The following RUSC2 variants were observed in gnomAD, a reference collection of about 807,000 sequenced individuals.
RUSC2 encodes RUN and SH3 domain containing 2.
In RUSC2, 34 loss-of-function variants were observed where a neutral mutation model predicts 122.2. The ratio of observed to expected loss-of-function variants is 0.28; its 90% CI spans 0.21 to 0.37. RUSC2 has a LOEUF of 0.37. Ranked by LOEUF, RUSC2 falls within the 10% of genes least tolerant of loss-of-function variation. The pLI, the probability that RUSC2 is intolerant of heterozygous loss-of-function variation, is 1.00. For missense variants in RUSC2, 1,747 were observed against 1,952.4 expected, an observed-to-expected ratio of 0.89 and a Z score of 1.98; for synonymous variants, 784 against 790.0, an observed-to-expected ratio of 0.99 and a Z score of 0.13.
chr9:35,506,743 C>T (rs1013907885), intron 1 of RUSC2, among the ~76,000 whole-genome samples: 2 of 152,056 alleles, frequency 1.3e-5, no homozygotes, highest in East Asian at 3.9e-4. Context: ...AGATAAAGCT[C>T]ATACAAAAAA....
intron 1 of RUSC2, among the ~76,000 whole-genome samples, chr9:35,501,733 A>G (rs1820820771): frequency 6.6e-6 from 1 of 152,204 alleles, no homozygotes; most frequent in East Asian, 1.9e-4. Context: ...TGTAACCAAA[A>G]TATGTGCTGC....
chr9:35,536,808 CAAAAAAAAAA>C (rs67604535), intron 1 of RUSC2, among the ~76,000 whole-genome samples: 148 of 69,624 alleles, frequency 2.1e-3, no homozygotes, highest in Non-Finnish European at 3.0e-3. Flanking sequence ...GAGTGAAACT[CAAAAAAAAAA>C]AAAAAAAAAA....
intron 1 of RUSC2, among the ~76,000 whole-genome samples, chr9:35,532,056 C>T (rs10972503): frequency 0.61 from 93,160 of 151,970 alleles, 30,211 homozygotes; most frequent in Non-Finnish European, 0.72. Flanking sequence ...TAAGTCAATG[C>T]CCGAAACATT....
intron 1 of RUSC2, among the ~76,000 whole-genome samples, chr9:35,499,186 C>T (rs912433021): frequency 2.0e-5 from 3 of 152,044 alleles, no homozygotes; most frequent in Non-Finnish European, 4.4e-5. Flanking sequence ...ACTTGGGAGG[C>T]TGAGGCACAG....
At chr9:35,517,599 T>C (rs1821132397) in intron 1 of RUSC2, among the ~76,000 whole-genome samples, 1 of 152,228 alleles carries the variant, frequency 6.6e-6, no homozygotes, top group Non-Finnish European at 1.5e-5. Context: ...TTCCTTATTA[T>C]AAGTTAGTGG....
chr9:35,538,265 A>G (rs1821570129), intron 1 of RUSC2, among the ~76,000 whole-genome samples: 1 of 152,208 alleles, frequency 6.6e-6, no homozygotes, highest in Admixed American at 6.5e-5. Flanking sequence ...CGTGTTAGGA[A>G]GAGGGCCTGC....
At chr9:35,526,073 A>G (rs13298415) in intron 1 of RUSC2, among the ~76,000 whole-genome samples, 30,844 of 152,068 alleles carry the variant, frequency 0.2, 3,277 homozygotes, top group Admixed American at 0.3. Context: ...ACTTTCATGT[A>G]CTGTTTTGAA....
rs1822176904 is a variant in RUSC2 at position 35,561,537 on chromosome 9, T to C, written c.*155T>C. On this transcript the variant is annotated 3_prime_UTR_variant, in exon 12 of 12. Coordinates refer to ENST00000361226, the MANE Select transcript of RUSC2 (RefSeq NM_014806.5). Reference sequence around the variant, plus strand: ...ACCTGCTCCCTGTGCTCAGTATTAATTACGCCCCCTTAACTGTCCCAGTGA... The same window carrying C: ...ACCTGCTCCCTGTGCTCAGTATTAACTACGCCCCCTTAACTGTCCCAGTGA... 3.1e-6 allele frequency: 2 copies of C among 638,360 alleles called. No individual in the cohort carries two copies. Among genetic ancestry groups the C allele is most frequent in the Non-Finnish European group, 5.4e-6 (2 of 369,160 alleles). The allele number at this position is 638,360 out of a possible 1,614,324, so 39.5% of individuals were successfully genotyped here.
At chr9:35,519,365 A>C (rs1383184437) in intron 1 of RUSC2, among the ~76,000 whole-genome samples, 5 of 152,186 alleles carry the variant, frequency 3.3e-5, no homozygotes, top group African/African-American at 9.6e-5. Context: ...GACAAAACCT[A>C]TCCTGCCAAC....
In RUSC2 at chr9:35,547,066, C is replaced by A; in HGVS notation, c.545C>A (p.Thr182Asn). 1.2e-6 allele frequency: 2 copies of A among 1,613,206 alleles called. No homozygotes were observed. Among genetic ancestry groups the A allele is most frequent in the Non-Finnish European group, 8.5e-7 (1 of 1,179,532 alleles). The change falls in exon 2 of 12, where the codon ACT becomes AAT. Residue 182 changes from threonine (T) to asparagine (N), a missense_variant. Transcript: ENST00000361226. This position sits in a 1 kb window ranked among gnomAD's most constrained non-coding sequence, Gnocchi z 4.6. ...QEQEPVMTLD[T>N]QQCGTSHCCR... ...CAGGAGCCAGTGATGACCTTGGATA[C>A]TCAGCAGTGCGGCACCAGCCACTGC... is the stretch of plus-strand genomic sequence containing the variant.
At position 35,557,847 on chromosome 9, in the gene RUSC2, T is replaced by C; in HGVS notation, c.2984-67T>C. 1 of 1,381,312 alleles carries C rather than the reference T, an allele frequency of 7.2e-7. No homozygotes were observed. Among genetic ancestry groups the C allele is most frequent in the South Asian group, 1.2e-5 (1 of 86,320 alleles). 85.6% of individuals were successfully genotyped at this position (1,381,312 alleles called of 1,614,324 possible). ...GCCCTTTCCCTGAGGAAACCTGAGG[T>C]TTCAGCCCCAGCTGAGTTGGTTAAG... On this transcript the variant is annotated intron_variant, in intron 5 of 11. Transcript: ENST00000361226. The surrounding 1 kb of genome is among the most constrained non-coding windows in gnomAD (Gnocchi z 4.6).
intron 1 of RUSC2, among the ~76,000 whole-genome samples, chr9:35,497,975 A>G (rs1384591248): frequency 6.6e-6 from 1 of 152,172 alleles, no homozygotes; most frequent in Admixed American, 6.5e-5. Flanking sequence ...CTATATTCTC[A>G]GCTAATTAAA....
chr9:35,559,127 C>A, intron 8 of RUSC2, 99 bp from the exon 9 acceptor site: 1 of 919,248 alleles, frequency 1.1e-6, no homozygotes, highest in Non-Finnish European at 1.8e-6. Flanking sequence ...CATGGAAGGG[C>A]GTGTTCACCT....
intron 1 of RUSC2, among the ~76,000 whole-genome samples, chr9:35,509,092 A>G (rs2132503432): frequency 6.6e-6 from 1 of 152,282 alleles, no homozygotes; most frequent in South Asian, 2.1e-4. Context: ...GCTCTCACCT[A>G]TAATCTCAGC....
At chr9:35,498,786 A>G (rs1587834456) in intron 1 of RUSC2, among the ~76,000 whole-genome samples, 1 of 148,858 alleles carries the variant, frequency 6.7e-6, no homozygotes, top group Admixed American at 6.7e-5. Flanking sequence ...ACTTGAACCC[A>G]GGAGGCAGAG....
intron 1 of RUSC2, among the ~76,000 whole-genome samples, chr9:35,493,481 A>T (rs539656361): frequency 6.6e-6 from 1 of 152,218 alleles, no homozygotes; most frequent in South Asian, 2.1e-4. Context: ...TATAGCCTGT[A>T]TCAGAACTTC....
rs1251575766 is a variant in RUSC2, at chr9:35,557,060, G to C, written c.2983+612G>C. Among the ~76,000 whole-genome samples, 1 of 152,096 alleles carries C rather than the reference G, an allele frequency of 6.6e-6. No individual in the cohort carries two copies. The highest frequency in any genetic ancestry group is 1.5e-5 in the Non-Finnish European group (1 of 68,034). ...GCCTCAGTGCTCTTGGAGGGGGCGG[G>C]TGAAGGTACTAGAGGGCCCAGCAGC... On this transcript the variant is annotated intron_variant, in intron 5 of 11. Coordinates refer to ENST00000361226, the MANE Select transcript of RUSC2 (RefSeq NM_014806.5). The surrounding 1 kb of genome is among the most constrained non-coding windows in gnomAD (Gnocchi z 4.6).
At chr9:35,538,390 TC>T (rs550592266) in intron 1 of RUSC2, among the ~76,000 whole-genome samples, 76 of 152,280 alleles carry the variant, frequency 5.0e-4, no homozygotes, top group Non-Finnish European at 9.4e-4. Flanking sequence ...AGGACTGAGT[TC>T]GAGTTACTGC....
At chr9:35,554,437 A>G (rs1363058448) in intron 2 of RUSC2, among the ~76,000 whole-genome samples, 1 of 152,246 alleles carries the variant, frequency 6.6e-6, no homozygotes, top group Non-Finnish European at 1.5e-5. Flanking sequence ...ATGGTTCGAT[A>G]TGCTCAGGAA....
Sources: allele counts gnomAD v4.1 joint callset (sites outside exome capture counted in the v4.1 genomes callset), GRCh38; gene constraint gnomAD v4.1.1; non-coding constraint Gnocchi (gnomAD v3.1); transcripts MANE v1.5; gene names NCBI Gene and HGNC (gene_info 2026-07-23, HGNC 2026-07-21).